Variants in FAM193A observed in about 807,000 individuals in gnomAD.
FAM193A encodes protein FAM193A.
In FAM193A, 22 loss-of-function variants were observed where a neutral mutation model predicts 126.5. The observed-to-expected ratio is 0.17, with a 90% CI of 0.12 to 0.25. The LOEUF is 0.25. Ranked by LOEUF, FAM193A falls within the 10% of genes least tolerant of loss-of-function variation. The pLI, the probability that FAM193A is intolerant of heterozygous loss-of-function variation, is 1.00. For missense variants in FAM193A, 1,675 were observed against 1,672.8 expected (o/e 1.00, Z -0.02); for synonymous variants, 761 against 646.8 (o/e 1.18, Z -2.68).
chr4:2,638,439 G>A (rs561194047), intron 5 of FAM193A, among the ~76,000 whole-genome samples: 15 of 152,160 alleles, frequency 9.9e-5, no homozygotes, highest in African/African-American at 2.2e-4. Flanking sequence ...TTCCTGTACC[G>A]AGTGTGCTTG....
intron 1 of FAM193A, among the ~76,000 whole-genome samples, chr4:2,568,803 A>G (rs1176254815): frequency 1.3e-5 from 2 of 152,126 alleles, no homozygotes; most frequent in African/African-American, 4.8e-5. Context: ...GTTGATTAGA[A>G]ATTTAGTTAC....
At chr4:2,544,325 C>T (rs919559065) in intron 1 of FAM193A, among the ~76,000 whole-genome samples, 3 of 152,042 alleles carry the variant, frequency 2.0e-5, no homozygotes, top group East Asian at 1.9e-4. Flanking sequence ...TTTGGAAGGC[C>T]GAGGTGGGAG....
chr4:2,535,990 C>T (rs926625148), upstream of FAM193A, among the ~76,000 whole-genome samples: 2 of 152,142 alleles, frequency 1.3e-5, no homozygotes, highest in Admixed American at 6.5e-5. Context: ...AACCCCCGCC[C>T]AGCCCACGAG....
intron 13 of FAM193A, among the ~76,000 whole-genome samples, chr4:2,680,150 T>C (rs534825872): frequency 6.6e-6 from 1 of 152,152 alleles, no homozygotes; most frequent in South Asian, 2.1e-4. Flanking sequence ...CGTGAGCCAC[T>C]GCGCCCAGCC....
rs150589938 is a variant in FAM193A, at chr4:2,590,506, CAAAAAA to C, written c.256-5573_256-5568del. On this transcript the variant is annotated intron_variant, in intron 1 of 20. Coordinates refer to ENST00000637812, the MANE Select transcript of FAM193A (RefSeq NM_001366318.2). ...AAAAACAAAAAAAAACAAAAAAAAA[CAAAAAA>C]AAAACAAAACAAAATTAAAAAACAG... is the stretch of plus-strand genomic sequence containing the variant. Among the ~76,000 whole-genome samples the C allele has an allele frequency of 2.2e-3, 74 of 33,222 alleles. 6 individuals are homozygous for C. Among genetic ancestry groups the C allele is most frequent in the African/African-American group, 0.015 (60 of 4,084 alleles). The allele number at this position is 33,222 out of a possible 152,430, so 21.8% of individuals were successfully genotyped here.
intron 19 of FAM193A, among the ~76,000 whole-genome samples, chr4:2,708,959 C>A (rs1718620351): frequency 6.6e-6 from 1 of 151,956 alleles, no homozygotes; most frequent in South Asian, 2.1e-4. Context: ...ACAGAAATGT[C>A]TCTGGTGTTT....
intron 1 of FAM193A, among the ~76,000 whole-genome samples, chr4:2,577,422 GTT>G (rs986931980): frequency 8.7e-6 from 1 of 115,542 alleles, no homozygotes; most frequent in Admixed American, 9.1e-5. Flanking sequence ...TTTTTTTTTT[GTT>G]TTTTTTTTTT....
intron 7 of FAM193A, among the ~76,000 whole-genome samples, chr4:2,648,815 C>T (rs1363825271): frequency 2.0e-5 from 3 of 152,206 alleles, no homozygotes; most frequent in African/African-American, 7.2e-5. Context: ...TTAACCTTCT[C>T]CAGGAAGTGG....
rs531895209 is a variant in FAM193A at position 2,682,927 on chromosome 4, T to A, written c.2332-6579T>A. On this transcript the variant is annotated intron_variant, in intron 13 of 20. Transcript: ENST00000637812. The stretch of plus-strand genomic sequence containing the variant: ...AGAAGATATTTTACTTTGTCTTTAT[T>A]CCTTCTCTAGTATTCTTCCTTTCTT... Among the ~76,000 whole-genome samples, 5 of 152,358 alleles carry A rather than the reference T, an allele frequency of 3.3e-5. No individual in the cohort carries two copies. In the South Asian group the frequency reaches 1.0e-3, roughly 32 times the overall value.
intron 1 of FAM193A, among the ~76,000 whole-genome samples, chr4:2,547,578 T>C (rs954615463): frequency 2.7e-4 from 40 of 147,866 alleles, no homozygotes; most frequent in African/African-American, 1.0e-3. Flanking sequence ...TTATAATTCC[T>C]GACCTTAGTA....
At chr4:2,641,979 G>A (rs1744671824) in intron 6 of FAM193A, among the ~76,000 whole-genome samples, 1 of 151,896 alleles carries the variant, frequency 6.6e-6, no homozygotes, top group African/African-American at 2.4e-5. Flanking sequence ...GCTCATGCCT[G>A]TAATGCCAGC....
At chr4:2,662,693 G>A (rs559037602) in intron 10 of FAM193A, 145 bp from the exon 11 acceptor site, 2 of 508,272 alleles carry the variant, frequency 3.9e-6, no homozygotes, top group African/African-American at 3.9e-5. Context: ...ACTAAGAAAT[G>A]TTAGTGGTAG....
intron 7 of FAM193A, among the ~76,000 whole-genome samples, chr4:2,647,045 GC>G (rs1283647323): frequency 6.6e-6 from 1 of 152,236 alleles, no homozygotes. Flanking sequence ...GGCCTCCTGG[GC>G]CTGAGGTGTG....
At chr4:2,552,922 A>G (rs1738030515) in intron 1 of FAM193A, among the ~76,000 whole-genome samples, 1 of 139,364 alleles carries the variant, frequency 7.2e-6, no homozygotes, top group Non-Finnish European at 1.5e-5. Flanking sequence ...GTCTTGGCTC[A>G]CTGCAACCTC....
At chr4:2,693,492 G>A in intron 15 of FAM193A, 94 bp from the exon 16 acceptor site, 1 of 1,186,820 alleles carries the variant, frequency 8.4e-7, no homozygotes, top group Non-Finnish European at 1.2e-6. Flanking sequence ...GGTGAAGGAT[G>A]AATGGGTACT....
chr4:2,732,194 C>T lies in FAM193A; in HGVS notation c.*326C>T. On this transcript the variant is annotated 3_prime_UTR_variant, in exon 21 of 21. Transcript: ENST00000637812. Reference sequence around the variant, plus strand: ...TTGCATCATCCACGTGGCTCCGTTGCCTCTGCATTGCGCCCTGTCCTGTCA... The same window carrying T: ...TTGCATCATCCACGTGGCTCCGTTGTCTCTGCATTGCGCCCTGTCCTGTCA... The T allele has an allele frequency of 2.7e-6, 1 of 376,562 alleles. No homozygotes were observed. The allele number at this position is 376,562 out of a possible 1,614,324, so 23.3% of individuals were successfully genotyped here.
chr4:2,625,812 C>T (rs556308469), intron 3 of FAM193A, among the ~76,000 whole-genome samples: 15 of 151,526 alleles, frequency 9.9e-5, no homozygotes, highest in African/African-American at 2.7e-4. Flanking sequence ...CCACAACCTC[C>T]GCCTTCCAGG....
chr4:2,574,862 G>C (rs2141296), intron 1 of FAM193A, among the ~76,000 whole-genome samples: 150,028 of 152,330 alleles, frequency 0.98, 73,913 homozygotes, highest in Middle Eastern at 1. Context: ...GCCTTTTGGC[G>C]TATTGGAAGC....
chr4:2,715,191 A>T (rs1719413316), intron 19 of FAM193A: 1 of 152,232 alleles, frequency 6.6e-6, no homozygotes, highest in African/African-American at 2.4e-5. Flanking sequence ...GGCCAGGCAC[A>T]GTGGCTCACG....
Sources: gnomAD v4.1 joint callset for allele counts (sites outside exome capture counted in the v4.1 genomes callset) on GRCh38, gnomAD v4.1.1 for gene constraint, MANE v1.5 for transcripts, NCBI Gene and HGNC (gene_info 2026-07-23, HGNC 2026-07-21) for gene names.